The following KIAA0825 variants were observed in gnomAD, a reference collection of about 807,000 sequenced individuals.
KIAA0825 encodes uncharacterized protein KIAA0825.
Under a neutral mutation model 147.6 loss-of-function variants are expected in KIAA0825, and 119 were observed. The ratio of observed to expected loss-of-function variants is 0.81; its 90% CI spans 0.69 to 0.94. The LOEUF (loss-of-function observed/expected upper bound fraction) is 0.94, where lower values mean the gene tolerates loss of function less well. KIAA0825 is among the 40% of genes least tolerant of loss of function. The probability of loss-of-function intolerance (pLI) is 0.00; values close to 1 mark genes in which losing one functional copy is unlikely to be tolerated. For missense variants in KIAA0825, 1,381 were observed against 1,472.7 expected (o/e 0.94, Z 1.02); for synonymous variants, 470 against 518.1 (o/e 0.91, Z 1.26).
intron 9 of KIAA0825, 134 bp downstream of exon 9, chr5:94,471,332 A>G: frequency 3.1e-6 from 3 of 981,604 alleles, no homozygotes; most frequent in Non-Finnish European, 4.4e-6. Context: ...AGTTAAGACA[A>G]ATGAAAATAA....
At chr5:94,273,709 T>C (rs1777092326) in intron 20 of KIAA0825, among the ~76,000 whole-genome samples, 1 of 152,110 alleles carries the variant, frequency 6.6e-6, no homozygotes, top group African/African-American at 2.4e-5. Context: ...TCCTCATCTT[T>C]CTTATGTTGA....
intron 5 of KIAA0825, among the ~76,000 whole-genome samples, chr5:94,501,750 G>A (rs1765114625): frequency 6.6e-6 from 1 of 152,096 alleles, no homozygotes; most frequent in Non-Finnish European, 1.5e-5. Flanking sequence ...ATTTGTTTTG[G>A]AGGGCAATTT....
intron 14 of KIAA0825, among the ~76,000 whole-genome samples, chr5:94,428,351 T>C (rs1262083222): frequency 6.6e-6 from 1 of 152,148 alleles, no homozygotes; most frequent in Non-Finnish European, 1.5e-5. Flanking sequence ...CTGTGGGCTA[T>C]GTATTTATGT....
At chr5:94,563,434 T>C (rs752551117) in intron 2 of KIAA0825, among the ~76,000 whole-genome samples, 4 of 152,098 alleles carry the variant, frequency 2.6e-5, no homozygotes, top group Non-Finnish European at 4.4e-5. Context: ...ATGTCAATTA[T>C]AGTGAAACTG....
intron 15 of KIAA0825, 103 bp downstream of exon 15, chr5:94,417,098 A>C: frequency 1.8e-6 from 2 of 1,093,772 alleles, no homozygotes; most frequent in Non-Finnish European, 2.6e-6. Context: ...TTCACCAACA[A>C]CAGATTCAGC....
intron 20 of KIAA0825, among the ~76,000 whole-genome samples, chr5:94,302,266 C>A (rs1457282582): frequency 6.6e-6 from 1 of 152,138 alleles, no homozygotes; most frequent in African/African-American, 2.4e-5. Flanking sequence ...CTCTGCCTAG[C>A]CTAACATATG....
intron 10 of KIAA0825, among the ~76,000 whole-genome samples, chr5:94,469,344 G>T (rs963307352): frequency 1.3e-5 from 2 of 151,936 alleles, no homozygotes; most frequent in African/African-American, 4.8e-5. Flanking sequence ...CTAACTTTTT[G>T]TATTTCTACT....
chr5:94,527,632 T>C (rs918598451), intron 3 of KIAA0825, among the ~76,000 whole-genome samples: 1 of 152,054 alleles, frequency 6.6e-6, no homozygotes, highest in Non-Finnish European at 1.5e-5. Context: ...ATGCTCTTGC[T>C]TATACTTCTT....
intron 20 of KIAA0825, among the ~76,000 whole-genome samples, chr5:94,205,582 T>TGC (rs1772122303): frequency 6.6e-6 from 1 of 152,060 alleles, no homozygotes; most frequent in South Asian, 2.1e-4. Flanking sequence ...TGAGCCACCA[T>TGC]GCCCGGCCCA....
rs11363132 is a variant in KIAA0825 at position 94,151,423 on chromosome 5, CAAAAA to C, written c.*2579_*2583del. Among the ~76,000 whole-genome samples the C allele has an allele frequency of 4.2e-4, 9 of 21,548 alleles. No individual in the cohort carries two copies. Among genetic ancestry groups the C allele is most frequent in the Admixed American group, 4.2e-3 (7 of 1,686 alleles). 14.1% of individuals were successfully genotyped at this position (21,548 alleles called of 152,430 possible). On this transcript the variant is annotated 3_prime_UTR_variant, in exon 21 of 21. Coordinates refer to ENST00000682413, the MANE Select transcript of KIAA0825 (RefSeq NM_001145678.3). ...TGGGCGACAGAGCGAGACTCCGTCT[CAAAAA>C]AAAAAAAAAAAAAAAAAAAAAAACA...
chr5:94,451,088 C>T (rs1183582960), intron 13 of KIAA0825, among the ~76,000 whole-genome samples: 1 of 152,168 alleles, frequency 6.6e-6, no homozygotes, highest in Non-Finnish European at 1.5e-5. Flanking sequence ...ATGTAAAGCA[C>T]TTAGCATTGT....
At chr5:94,576,698 T>C (rs941500228) in intron 2 of KIAA0825, among the ~76,000 whole-genome samples, 5 of 152,198 alleles carry the variant, frequency 3.3e-5, no homozygotes, top group Admixed American at 2.6e-4. Flanking sequence ...CTAATACACA[T>C]GTACTAATAA....
intron 10 of KIAA0825, among the ~76,000 whole-genome samples, chr5:94,465,455 G>C (rs936718842): frequency 1.3e-5 from 2 of 152,124 alleles, no homozygotes; most frequent in African/African-American, 4.8e-5. Flanking sequence ...ATATTTTTCT[G>C]AGCCTATTAG....
intron 17 of KIAA0825, among the ~76,000 whole-genome samples, chr5:94,395,156 C>T (rs1009752615): frequency 1.3e-5 from 2 of 152,020 alleles, no homozygotes; most frequent in African/African-American, 2.4e-5. Flanking sequence ...AGGCTTTGAG[C>T]GATTCAATAA....
At chr5:94,164,334 G>T (rs543312653) in intron 20 of KIAA0825, among the ~76,000 whole-genome samples, 1 of 151,694 alleles carries the variant, frequency 6.6e-6, no homozygotes. Flanking sequence ...AAAACAGTAT[G>T]GTATTAGCAT....
At chr5:94,472,167 C>A (rs986289701) in intron 8 of KIAA0825, among the ~76,000 whole-genome samples, 1 of 152,142 alleles carries the variant, frequency 6.6e-6, no homozygotes, top group Non-Finnish European at 1.5e-5. Flanking sequence ...TTAAATGCCA[C>A]ATATAAATGT....
intron 3 of KIAA0825, among the ~76,000 whole-genome samples, chr5:94,526,360 T>A (rs1200573965): frequency 6.6e-6 from 1 of 151,912 alleles, no homozygotes; most frequent in Non-Finnish European, 1.5e-5. Context: ...GGGATGAAAT[T>A]GGGGAGAGGT....
intron 17 of KIAA0825, among the ~76,000 whole-genome samples, chr5:94,393,161 G>A (rs572477797): frequency 2.0e-5 from 3 of 152,230 alleles, no homozygotes; most frequent in South Asian, 2.1e-4. Context: ...GTTCCTCTCC[G>A]GATTTGGGAC....
At chr5:94,513,912 G>A (rs76430124) in intron 5 of KIAA0825, among the ~76,000 whole-genome samples, 3 of 151,660 alleles carry the variant, frequency 2.0e-5, no homozygotes, top group Non-Finnish European at 4.4e-5. Flanking sequence ...TAGGTGGAAT[G>A]GAGGTATAGT....
Sources: allele counts gnomAD v4.1 joint callset (sites outside exome capture counted in the v4.1 genomes callset), GRCh38; gene constraint gnomAD v4.1.1; transcripts MANE v1.5; gene names NCBI Gene and HGNC (gene_info 2026-07-23, HGNC 2026-07-21).